The following FOCAD variants were observed in gnomAD, a reference collection of about 807,000 sequenced individuals.
FOCAD encodes the protein focadhesin, also known as KIAA1797.
FOCAD carries 198 observed loss-of-function variants against 225.6 expected under a neutral mutation model. That is an observed-to-expected ratio of 0.88 (90% CI 0.78 to 0.99). The LOEUF is 0.99. Ranked by LOEUF, FOCAD falls within the 50% of genes least tolerant of loss-of-function variation. The pLI is 0.00. For missense variants in FOCAD, 2,713 were observed against 2,123.6 expected, an observed-to-expected ratio of 1.28 and a Z score of -5.46; for synonymous variants, 897 against 755.0, an observed-to-expected ratio of 1.19 and a Z score of -3.08.
At chr9:20,930,224 AC>A (rs1421182507) in intron 27 of FOCAD, among the ~76,000 whole-genome samples, 3 of 152,164 alleles carry the variant, frequency 2.0e-5, no homozygotes, top group Admixed American at 6.5e-5. Flanking sequence ...AATGGAATAG[AC>A]TCAGGTGGAA....
At chr9:20,944,425 T>C (rs1253657582) in intron 28 of FOCAD, among the ~76,000 whole-genome samples, 3 of 152,152 alleles carry the variant, frequency 2.0e-5, no homozygotes, top group Non-Finnish European at 2.9e-5. Context: ...CACAGATACA[T>C]GTTTTGATGT....
At chr9:20,779,480 C>T (rs989928442) in intron 9 of FOCAD, among the ~76,000 whole-genome samples, 1 of 152,196 alleles carries the variant, frequency 6.6e-6, no homozygotes, top group Non-Finnish European at 1.5e-5. Context: ...GGCACGGTGG[C>T]TCATGCTTGT....
intron 11 of FOCAD, among the ~76,000 whole-genome samples, chr9:20,795,386 C>T (rs1048322839): frequency 1.3e-5 from 2 of 152,064 alleles, no homozygotes; most frequent in Non-Finnish European, 2.9e-5. Context: ...CAGAAAGGCT[C>T]GTATTGAGTT....
At chr9:20,928,455 C>T (rs1835164707) in intron 26 of FOCAD, among the ~76,000 whole-genome samples, 4 of 152,120 alleles carry the variant, frequency 2.6e-5, no homozygotes, top group African/African-American at 4.8e-5. Context: ...GCTTTAACTG[C>T]AAGGGACAAC....
At chr9:20,980,545 C>T (rs1018134520) in intron 37 of FOCAD, among the ~76,000 whole-genome samples, 1 of 152,116 alleles carries the variant, frequency 6.6e-6, no homozygotes, top group African/African-American at 2.4e-5. Context: ...ATAGAATGAT[C>T]TGAGATGGCA....
chr9:20,699,545 TC>T (rs1823665867), intron 1 of FOCAD, among the ~76,000 whole-genome samples: 1 of 150,796 alleles, frequency 6.6e-6, no homozygotes, highest in African/African-American at 2.4e-5. Context: ...ATTGAGACCA[TC>T]CTGGCTAACA....
intron 35 of FOCAD, among the ~76,000 whole-genome samples, chr9:20,968,264 G>A (rs1022556268): frequency 6.6e-6 from 1 of 151,680 alleles, no homozygotes; most frequent in Non-Finnish European, 1.5e-5. Flanking sequence ...GAATTCTCTT[G>A]TAATCCTTTT....
At chr9:20,662,184 A>ATG (rs376275474) in intron 2 of FOCAD, among the ~76,000 whole-genome samples, 28 of 150,450 alleles carry the variant, frequency 1.9e-4, no homozygotes, top group Non-Finnish European at 2.2e-4. Context: ...GTGGAAATAT[A>ATG]TGTGTGTGTG....
rs1840762412 is a variant in FOCAD at position 20,982,225 on chromosome 9, TTTTGG to T, written c.4639-124_4639-120del. 43 of 540,408 alleles carry T rather than the reference TTTTGG, an allele frequency of 8.0e-5. No homozygotes were observed. The East Asian group carries it at 1.4e-3, about 17-fold the overall frequency. 33.5% of individuals were successfully genotyped at this position (540,408 alleles called of 1,614,324 possible). A position where few individuals can be genotyped will look rare whatever the true frequency, so the allele number is the denominator to read the frequency against. The stretch of plus-strand genomic sequence containing the variant: ...CAAAATGATAAAAATTGGCCAAATG[TTTTGG>T]TTTGGTTAAAATTAAAATCTCATCA... On this transcript the variant is annotated intron_variant, in intron 38 of 43. Coordinates refer to ENST00000338382, the MANE Select transcript of FOCAD (RefSeq NM_001375567.1).
chr9:20,905,959 T>A (rs1832931056), intron 21 of FOCAD, among the ~76,000 whole-genome samples: 1 of 150,886 alleles, frequency 6.6e-6, no homozygotes, highest in Non-Finnish European at 1.5e-5. Flanking sequence ...AAAACAGCAA[T>A]GCCATGAGAA....
intron 18 of FOCAD, chr9:20,874,343 G>A (rs1830048383): frequency 5.2e-6 from 1 of 191,572 alleles, no homozygotes; most frequent in Admixed American, 6.1e-5. Flanking sequence ...AATATATTGA[G>A]TATGTCAGTG....
At chr9:20,989,227 G>A (rs893914595) in intron 41 of FOCAD, among the ~76,000 whole-genome samples, 1 of 152,116 alleles carries the variant, frequency 6.6e-6, no homozygotes, top group African/African-American at 2.4e-5. Flanking sequence ...AGAGTTGTAT[G>A]TCTTTTTGAA....
In FOCAD at chr9:20,986,440, A is replaced by G. The variant is rs1320236624; in HGVS notation, c.4881A>G (p.Ala1627=). 2.5e-6 allele frequency: 4 copies of G among 1,611,958 alleles called. No individual in the cohort carries two copies. Among genetic ancestry groups the G allele is most frequent in the African/African-American group, 1.3e-5 (1 of 74,718 alleles). The change falls in exon 40 of 44, where the codon GCA becomes GCG. Residue 1627 remains alanine (A), a synonymous_variant. Coordinates refer to ENST00000338382, the MANE Select transcript of FOCAD (RefSeq NM_001375567.1). ...TGATTCTGCACAGCTTATACCAGGCACGGATTGTGAGCCATGCCAATACGG... is the reference window on the plus strand; with the variant it reads ...TGATTCTGCACAGCTTATACCAGGCGCGGATTGTGAGCCATGCCAATACGG... ...AWMILHSLYQ[A]RIVSHANTGV...
chr9:20,951,957 A>G (rs1056213494), intron 34 of FOCAD, among the ~76,000 whole-genome samples: 1 of 152,172 alleles, frequency 6.6e-6, no homozygotes, highest in Non-Finnish European at 1.5e-5. Context: ...CTCTGAAATT[A>G]CCATTTTCCT....
At chr9:20,767,601 T>C (rs899600707) in intron 7 of FOCAD, among the ~76,000 whole-genome samples, 2 of 150,810 alleles carry the variant, frequency 1.3e-5, no homozygotes, top group African/African-American at 2.4e-5. Context: ...TTTCATGTGT[T>C]TTTTGGCTGC....
intron 21 of FOCAD, among the ~76,000 whole-genome samples, chr9:20,889,733 C>T (rs1831449877): frequency 1.3e-5 from 2 of 152,138 alleles, no homozygotes; most frequent in Non-Finnish European, 2.9e-5. Flanking sequence ...AGATCTCTTG[C>T]TTTTCTATAT....
At chr9:20,787,819 G>GA (rs1000249788) in intron 10 of FOCAD, among the ~76,000 whole-genome samples, 8 of 148,406 alleles carry the variant, frequency 5.4e-5, no homozygotes, top group East Asian at 2.0e-4. Context: ...CACTCTCTTT[G>GA]AAAAAAAAAA....
chr9:20,702,383 C>T (rs1824030567), intron 1 of FOCAD, among the ~76,000 whole-genome samples: 1 of 152,170 alleles, frequency 6.6e-6, no homozygotes, highest in Admixed American at 6.5e-5. Flanking sequence ...GGATTACAGG[C>T]ATGAGCCACC....
intron 35 of FOCAD, among the ~76,000 whole-genome samples, chr9:20,971,419 C>A (rs1033907826): frequency 4.0e-5 from 6 of 151,866 alleles, no homozygotes; most frequent in South Asian, 2.1e-4. Context: ...GTAAAATTTA[C>A]CCTCATAACC....
Sources: gnomAD v4.1 joint callset for allele counts (sites outside exome capture counted in the v4.1 genomes callset) on GRCh38, gnomAD v4.1.1 for gene constraint, MANE v1.5 for transcripts, NCBI Gene and HGNC (gene_info 2026-07-23, HGNC 2026-07-21) for gene names.